Variants in KCNK2 observed in about 807,000 individuals in gnomAD.
The protein encoded by KCNK2 is potassium channel subfamily K member 2.
Under a neutral mutation model 40.5 loss-of-function variants are expected in KCNK2, and 21 were observed. The ratio of observed to expected loss-of-function variants is 0.52; its 90% CI spans 0.37 to 0.75. KCNK2 has a LOEUF of 0.75. KCNK2 is among the 30% of genes least tolerant of loss of function. The probability of loss-of-function intolerance (pLI) is 0.00; values close to 1 mark genes in which losing one functional copy is unlikely to be tolerated. For missense variants in KCNK2, 399 were observed against 531.6 expected (o/e 0.75, Z 2.45); for synonymous variants, 191 against 202.2 (o/e 0.94, Z 0.47).
At chr1:215,096,820 A>G (rs1386883584) in intron 2 of KCNK2, among the ~76,000 whole-genome samples, 1 of 151,972 alleles carries the variant, frequency 6.6e-6, no homozygotes, top group Non-Finnish European at 1.5e-5. Flanking sequence ...GATGTTTTTG[A>G]GATACCTCTG....
chr1:215,213,227 G>T (rs1665814425), intron 6 of KCNK2, among the ~76,000 whole-genome samples: 2 of 152,292 alleles, frequency 1.3e-5, no homozygotes, highest in East Asian at 3.9e-4. Context: ...TAGGGGCAGG[G>T]TAATGGTTTT....
At chr1:215,172,234 T>C (rs781231377) in intron 5 of KCNK2, 51 bp downstream of exon 5, 3 of 1,485,184 alleles carry the variant, frequency 2.0e-6, no homozygotes, top group South Asian at 2.5e-5. Flanking sequence ...GTTTATTAGA[T>C]AGATTTTTCA....
At chr1:215,228,992 G>T (rs985719704) in intron 6 of KCNK2, among the ~76,000 whole-genome samples, 1 of 151,884 alleles carries the variant, frequency 6.6e-6, no homozygotes, top group African/African-American at 2.4e-5. Context: ...GCTGCATGCA[G>T]CCCAGGATAG....
Position 215,172,091 on chromosome 1 carries a change from T to C in KCNK2, c.731T>C (p.Ile244Thr). 1 of 1,613,596 alleles carries C rather than the reference T, an allele frequency of 6.2e-7. No homozygotes were observed. The highest frequency in any genetic ancestry group is 1.1e-5 in the South Asian group (1 of 91,074). ...CVLFVALPAI[I>T]FKHIEGWSAL... is the part of the protein sequence containing the mutation. ...CTCTTTGTGGCTCTGCCTGCGATCA[T>C]ATTCAAACACATAGAAGGCTGGAGT... Residue 244 changes from isoleucine (I) to threonine (T), a missense_variant, in exon 5 of 7, where the codon ATA (isoleucine) becomes ACA (threonine). Coordinates refer to ENST00000444842, the MANE Select transcript of KCNK2 (RefSeq NM_001017425.3).
chr1:215,034,865 C>T (rs1475494848), intron 1 of KCNK2, among the ~76,000 whole-genome samples: 6 of 151,986 alleles, frequency 3.9e-5, no homozygotes, highest in Admixed American at 1.3e-4. Flanking sequence ...TCTACTTATC[C>T]GTAATATTTT....
chr1:215,203,964 G>A (rs1007020962), intron 6 of KCNK2, among the ~76,000 whole-genome samples: 1 of 149,182 alleles, frequency 6.7e-6, no homozygotes, highest in African/African-American at 2.5e-5. Context: ...TGTGAACCCG[G>A]GAGGTGGAGC....
chr1:215,147,535 A>G (rs936294758), intron 3 of KCNK2, among the ~76,000 whole-genome samples: 1 of 152,184 alleles, frequency 6.6e-6, no homozygotes, highest in South Asian at 2.1e-4. Context: ...TCACTTTTCT[A>G]AAAACACGAG....
chr1:215,156,602 T>C (rs1190951169), intron 3 of KCNK2, among the ~76,000 whole-genome samples: 1 of 152,196 alleles, frequency 6.6e-6, no homozygotes, highest in Admixed American at 6.5e-5. Flanking sequence ...CATTCTCATA[T>C]GGCTATAATG....
intron 6 of KCNK2, among the ~76,000 whole-genome samples, chr1:215,199,724 T>A (rs1198374896): frequency 6.6e-6 from 1 of 152,216 alleles, no homozygotes; most frequent in Non-Finnish European, 1.5e-5. Context: ...ATAAAACTTA[T>A]TTAGATATTC....
At chr1:215,017,178 T>C (rs1656622412) in intron 1 of KCNK2, among the ~76,000 whole-genome samples, 1 of 152,126 alleles carries the variant, frequency 6.6e-6, no homozygotes, top group South Asian at 2.1e-4. Flanking sequence ...GGAAACAGTA[T>C]TGTGGTTCCT....
intron 5 of KCNK2, among the ~76,000 whole-genome samples, chr1:215,189,449 G>A (rs561175454): frequency 6.6e-6 from 1 of 152,082 alleles, no homozygotes; most frequent in Non-Finnish European, 1.5e-5. Flanking sequence ...TCTTTATAAA[G>A]GATGAGTGAG....
chr1:215,232,311 A>C (rs1367507782), intron 6 of KCNK2, among the ~76,000 whole-genome samples: 1 of 152,184 alleles, frequency 6.6e-6, no homozygotes, highest in Non-Finnish European at 1.5e-5. Flanking sequence ...AAAGGACTAA[A>C]ATTCGATGAG....
chr1:215,155,199 T>C (rs930592762), intron 3 of KCNK2, among the ~76,000 whole-genome samples: 3 of 152,164 alleles, frequency 2.0e-5, no homozygotes, highest in South Asian at 2.1e-4. Flanking sequence ...TCAACTCTTT[T>C]AAAATGACTT....
upstream of KCNK2, among the ~76,000 whole-genome samples, chr1:215,077,838 C>G (rs1659001577): frequency 6.6e-6 from 1 of 152,282 alleles, no homozygotes; most frequent in East Asian, 1.9e-4. Context: ...CTTCTTTACA[C>G]CAGCCTTCCC....
chr1:215,101,849 CATATT>C (rs1660234746), intron 2 of KCNK2, among the ~76,000 whole-genome samples: 1 of 151,880 alleles, frequency 6.6e-6, no homozygotes, highest in Non-Finnish European at 1.5e-5. Context: ...TACTGCTAGT[CATATT>C]AAAGTATTGC....
chr1:215,202,636 A>G (rs544859049), intron 6 of KCNK2, among the ~76,000 whole-genome samples: 7 of 152,330 alleles, frequency 4.6e-5, no homozygotes, highest in South Asian at 2.1e-4. Context: ...GTCAAAATGT[A>G]TACTAAAAAT....
intron 6 of KCNK2, among the ~76,000 whole-genome samples, chr1:215,216,143 A>G (rs921694929): frequency 6.6e-5 from 10 of 152,084 alleles, no homozygotes; most frequent in African/African-American, 2.4e-4. Flanking sequence ...CCTCACTGCT[A>G]CTTTTACTTG....
chr1:215,130,282 G>C (rs1185733672), intron 3 of KCNK2, among the ~76,000 whole-genome samples: 2 of 152,172 alleles, frequency 1.3e-5, no homozygotes, highest in Admixed American at 1.3e-4. Context: ...GAATACTGGT[G>C]GTGGGAGGGT....
At chr1:215,088,533 A>G (rs562735716) in intron 2 of KCNK2, among the ~76,000 whole-genome samples, 1 of 151,226 alleles carries the variant, frequency 6.6e-6, no homozygotes, top group African/African-American at 2.4e-5. Context: ...ATGTAGTTGC[A>G]TTCTTATCAC....
Sources: allele counts gnomAD v4.1 joint callset (sites outside exome capture counted in the v4.1 genomes callset), GRCh38; gene constraint gnomAD v4.1.1; transcripts MANE v1.5; gene names NCBI Gene and HGNC (gene_info 2026-07-23, HGNC 2026-07-21).